Variants in MORN3 observed in about 807,000 individuals in gnomAD.
The protein encoded by MORN3 is MORN repeat containing 3, also known as MORN repeat-containing protein 3.
MORN3 carries 38 observed loss-of-function variants against 34.7 expected under a neutral mutation model. That is an observed-to-expected ratio of 1.10 (90% confidence interval 0.85 to 1.44). The LOEUF (loss-of-function observed/expected upper bound fraction) is 1.44. Ranked by LOEUF, MORN3 falls within the 40% of genes most tolerant of loss-of-function variation. The pLI, the probability that MORN3 is intolerant of heterozygous loss-of-function variation, is 0.00. For synonymous variants in MORN3, 109 were observed against 115.3 expected (o/e 0.95, Z 0.35); for missense variants, 311 against 321.7 (o/e 0.97, Z 0.25).
chr12:121,656,672 C>T lies in MORN3; in HGVS notation c.304-2239G>A, dbSNP rs1336738531. Among the ~76,000 whole-genome samples the T allele has an allele frequency of 3.9e-5, 6 of 152,102 alleles. No homozygotes were observed. The East Asian group carries it at 7.7e-4, about 20-fold the overall frequency. Reference sequence around the variant, plus strand: ...GACTACAGGTACACACCACTATGCCCGGCTAATTTTTTTTGTGTTTTTTAT... The same window carrying T: ...GACTACAGGTACACACCACTATGCCTGGCTAATTTTTTTTGTGTTTTTTAT... On this transcript the variant is annotated intron_variant, in intron 2 of 5. Transcript: ENST00000355329.
intron 2 of MORN3, among the ~76,000 whole-genome samples, chr12:121,656,372 G>A (rs1113409): frequency 0.16 from 24,949 of 151,954 alleles, 2,370 homozygotes; most frequent in South Asian, 0.33. Flanking sequence ...TGTCCAGGCT[G>A]GAGTGTAGTG....
At position 121,650,633 on chromosome 12, in the gene MORN3, C is replaced by T. The variant is rs1555324960; in HGVS notation, c.*1018G>A. The T allele has an allele frequency of 1.3e-5, 2 of 150,666 alleles. No individual in the cohort carries two copies. The highest frequency in any genetic ancestry group is 2.9e-5 in the Non-Finnish European group (2 of 67,988). The allele number at this position is 150,666 out of a possible 1,614,324, so 9.3% of individuals were successfully genotyped here. A position where few individuals can be genotyped will look rare whatever the true frequency, so the allele number is the denominator to read the frequency against. On this transcript the variant is annotated 3_prime_UTR_variant, in exon 6 of 6. Coordinates refer to ENST00000355329, the MANE Select transcript of MORN3 (RefSeq NM_173855.5). ...AGATCACGAGGTCAGGAGTTCAAGA[C>T]CAGCCTGACCAACATGGTGATACCC...
intron 1 of MORN3, among the ~76,000 whole-genome samples, chr12:121,662,204 C>T (rs1893604982): frequency 6.6e-6 from 1 of 152,012 alleles, no homozygotes; most frequent in South Asian, 2.1e-4. Context: ...CAGTGGCTCA[C>T]TCCTATAATC....
chr12:121,665,867 C>T (rs985295082), intron 1 of MORN3, among the ~76,000 whole-genome samples: 1 of 150,374 alleles, frequency 6.7e-6, no homozygotes, highest in African/African-American at 2.4e-5. Flanking sequence ...AGAAACCATA[C>T]TGCACTGTCT....
chr12:121,652,476 C>T (rs1428463083), intron 5 of MORN3, among the ~76,000 whole-genome samples: 6 of 152,196 alleles, frequency 3.9e-5, no homozygotes, highest in Non-Finnish European at 5.9e-5. Context: ...TCAACTTATC[C>T]GCCTGCCTTG....
intron 1 of MORN3, among the ~76,000 whole-genome samples, chr12:121,665,378 C>T (rs904519957): frequency 6.8e-6 from 1 of 146,834 alleles, no homozygotes; most frequent in African/African-American, 2.5e-5. Flanking sequence ...GCAAGCTCCG[C>T]CTCCCAGGTT....
chr12:121,666,706 A>T (rs965735160), intron 1 of MORN3, among the ~76,000 whole-genome samples: 5 of 151,954 alleles, frequency 3.3e-5, no homozygotes, highest in Non-Finnish European at 7.4e-5. Flanking sequence ...ATTTGCTTTT[A>T]TGGGGTGCTT....
chr12:121,669,532 A>G lies in MORN3; in HGVS notation c.-49T>C, dbSNP rs1381405915. On this transcript the variant is annotated 5_prime_UTR_variant, in exon 1 of 6. It removes an upstream start codon present in the reference 5' UTR. Coordinates refer to ENST00000355329, the MANE Select transcript of MORN3 (RefSeq NM_173855.5). ...AGGGTGCTGGAAAGGGGTTAGGGAC[A>G]TCTGGGGCTCAGCGCGCCCCGTGTA... 3.1e-6 allele frequency: 5 copies of G among 1,607,816 alleles called. No homozygotes were observed. In the East Asian group the frequency reaches 9.0e-5, roughly 29 times the overall value.
At chr12:121,669,711 T>C, upstream of MORN3, 1 of 445,884 alleles carries the variant, frequency 2.2e-6, no homozygotes, top group Non-Finnish European at 4.1e-6. Flanking sequence ...GGGGGTCTGA[T>C]GGCACAATTA....
At chr12:121,660,339 T>TTTTC (rs1239000379) in intron 1 of MORN3, among the ~76,000 whole-genome samples, 6 of 134,292 alleles carry the variant, frequency 4.5e-5, no homozygotes, top group South Asian at 2.2e-4. Context: ...TTCTCTTTTT[T>TTTTC]TTTCTTTCTT....
intron 1 of MORN3, among the ~76,000 whole-genome samples, chr12:121,664,867 TA>T (rs1893694015): frequency 3.9e-5 from 2 of 50,794 alleles, no homozygotes; most frequent in African/African-American, 8.3e-5. Context: ...TTGTAGCCCC[TA>T]CCAAAAAAAA....
chr12:121,654,227 C>CA, intron 3 of MORN3, 47 bp downstream of exon 3: 1 of 1,092,702 alleles, frequency 9.2e-7, no homozygotes, highest in Non-Finnish European at 1.2e-6. Context: ...AGCTCGCTGC[C>CA]GGGGGCGTGG....
At chr12:121,653,735 T>A (rs1026883202) in intron 3 of MORN3, among the ~76,000 whole-genome samples, 3 of 152,106 alleles carry the variant, frequency 2.0e-5, no homozygotes, top group Non-Finnish European at 4.4e-5. Flanking sequence ...CTCAAACTCC[T>A]GACCTCATGA....
chr12:121,668,049 T>C (rs1893826463), intron 1 of MORN3, among the ~76,000 whole-genome samples: 1 of 151,018 alleles, frequency 6.6e-6, no homozygotes, highest in Admixed American at 6.6e-5. Context: ...TGTATTTTTT[T>C]AGTAGAGATG....
At chr12:121,654,493 CGTCT>C (rs1893359198) in intron 2 of MORN3, 60 bp from the exon 3 acceptor site, 1 of 1,499,032 alleles carries the variant, frequency 6.7e-7, no homozygotes, top group African/African-American at 1.4e-5. Flanking sequence ...GAAAGCCCAC[CGTCT>C]TCCCAGGCAC....
intron 2 of MORN3, 79 bp downstream of exon 2, chr12:121,659,112 C>T: frequency 1.3e-6 from 2 of 1,536,850 alleles, no homozygotes; most frequent in Non-Finnish European, 1.8e-6. Context: ...AGGCCTCTCT[C>T]GGCTTCCCCT....
chr12:121,659,393 G>A, intron 1 of MORN3, 45 bp from the exon 2 acceptor site: 1 of 1,604,010 alleles, frequency 6.2e-7, no homozygotes, highest in Non-Finnish European at 8.5e-7. Context: ...GGCCGCCGGG[G>A]GGTGGGGGTG....
At chr12:121,670,217 A>T (rs985958271), upstream of MORN3, among the ~76,000 whole-genome samples, 1 of 151,862 alleles carries the variant, frequency 6.6e-6, no homozygotes, top group Non-Finnish European at 1.5e-5. Flanking sequence ...ACATATTTTG[A>T]CAATCACACC....
In MORN3 at chr12:121,663,906, G is replaced by GTT. The variant is rs534086856; in HGVS notation, c.146-4560_146-4559dup. Among the ~76,000 whole-genome samples the GTT allele has an allele frequency of 1.8e-4, 28 of 152,094 alleles. No individual in the cohort carries two copies. In the South Asian group the frequency reaches 5.6e-3, roughly 30 times the overall value. On this transcript the variant is annotated intron_variant, in intron 1 of 5. Coordinates refer to ENST00000355329, the MANE Select transcript of MORN3 (RefSeq NM_173855.5). ...TTGTCCTGCCCCTCACTTCCTCCTG[G>GTT]TTTTATTTCCTTTGGGGACACCACT...
Sources: allele counts gnomAD v4.1 joint callset (sites outside exome capture counted in the v4.1 genomes callset), GRCh38; gene constraint gnomAD v4.1.1; transcripts MANE v1.5; gene names NCBI Gene and HGNC (gene_info 2026-07-23, HGNC 2026-07-21).